Variants in AOAH observed in about 807,000 individuals in gnomAD.
The protein encoded by AOAH is acyloxyacyl hydrolase, also known as acyloxyacyl hydrolase (neutrophil).
AOAH carries 64 observed loss-of-function variants against 92.2 expected under a neutral mutation model. The ratio of observed to expected loss-of-function variants is 0.69; its 90% CI spans 0.57 to 0.86. The LOEUF (loss-of-function observed/expected upper bound fraction) is 0.86, where lower values mean the gene tolerates loss of function less well. AOAH is among the 40% of genes least tolerant of loss of function. The pLI is 0.00. For synonymous variants in AOAH, 263 were observed against 254.5 expected (o/e 1.03, Z -0.32); for missense variants, 656 against 694.6 (o/e 0.94, Z 0.62).
chr7:36,600,348 C>T (rs763627830), intron 11 of AOAH, among the ~76,000 whole-genome samples: 10 of 152,172 alleles, frequency 6.6e-5, no homozygotes, highest in Admixed American at 1.3e-4. Flanking sequence ...AACCCTTAAC[C>T]CAGTGAGAGG....
chr7:36,526,325 A>G (rs1784395067), intron 19 of AOAH, among the ~76,000 whole-genome samples: 1 of 152,254 alleles, frequency 6.6e-6, no homozygotes, highest in Non-Finnish European at 1.5e-5. Flanking sequence ...ACATGTAGCC[A>G]TCAGGACAGT....
At chr7:36,716,648 C>A (rs1799196889) in intron 1 of AOAH, among the ~76,000 whole-genome samples, 1 of 146,736 alleles carries the variant, frequency 6.8e-6, no homozygotes, top group African/African-American at 2.6e-5. Flanking sequence ...CAGCCATAAA[C>A]AATGATGAGT....
chr7:36,533,110 AGAATCTG>A (rs1480052640), intron 16 of AOAH, among the ~76,000 whole-genome samples: 1 of 152,196 alleles, frequency 6.6e-6, no homozygotes, highest in Non-Finnish European at 1.5e-5. Context: ...CTATAGTCCC[AGAATCTG>A]TGGGGGTGAT....
intron 1 of AOAH, among the ~76,000 whole-genome samples, chr7:36,719,529 A>T (rs779261864): frequency 8.5e-5 from 13 of 152,246 alleles, no homozygotes; most frequent in Non-Finnish European, 1.9e-4. Flanking sequence ...AAGGTGATAT[A>T]AATATTTTAG....
intron 12 of AOAH, among the ~76,000 whole-genome samples, chr7:36,580,528 C>G (rs1308132737): frequency 6.6e-6 from 1 of 152,074 alleles, no homozygotes; most frequent in Non-Finnish European, 1.5e-5. Context: ...GGCTATTAAA[C>G]TTTCTAAAAA....
chr7:36,688,500 C>G (rs958579065), intron 1 of AOAH, among the ~76,000 whole-genome samples: 3 of 151,764 alleles, frequency 2.0e-5, no homozygotes, highest in Admixed American at 2.0e-4. Context: ...ATTTTAATAA[C>G]TACAACTAAA....
In AOAH at chr7:36,530,650, G is replaced by A. The variant is rs556745118; in HGVS notation, c.1426-136C>T. On this transcript the variant is annotated intron_variant, in intron 18 of 20. Coordinates refer to ENST00000617537, the MANE Select transcript of AOAH (RefSeq NM_001637.4). ...TTCTCCAAGCCATCAGCAGACAGCA[G>A]CTCTGCACATTAAATTCTAGTCACG... 2.3e-5 allele frequency: 14 copies of A among 600,100 alleles called. No individual in the cohort carries two copies. The South Asian group carries it at 2.9e-4, about 12-fold the overall frequency. 37.2% of individuals were successfully genotyped at this position (600,100 alleles called of 1,614,324 possible).
rs1395111365 is a variant in AOAH, at chr7:36,545,064, T to TA, written c.1133+3547dup. ...TGAAGAGAAATCTTTTTTTTTTTTT[T>TA]AAATAGAGACAGGGTCTCGCTCTAT... On this transcript the variant is annotated intron_variant, in intron 15 of 20. Coordinates refer to ENST00000617537, the MANE Select transcript of AOAH (RefSeq NM_001637.4). Among the ~76,000 whole-genome samples the TA allele has an allele frequency of 3.3e-3, 506 of 151,442 alleles. 3 individuals carry two copies. Among genetic ancestry groups the TA allele is most frequent in the South Asian group, 0.014 (68 of 4,780 alleles).
chr7:36,702,500 T>C (rs1376479132), intron 1 of AOAH, among the ~76,000 whole-genome samples: 2 of 152,194 alleles, frequency 1.3e-5, no homozygotes, highest in Non-Finnish European at 2.9e-5. Context: ...CTTGGAGATA[T>C]TCAGTTCCAG....
chr7:36,639,854 G>A (rs1163167413), intron 4 of AOAH, among the ~76,000 whole-genome samples: 3 of 152,182 alleles, frequency 2.0e-5, no homozygotes, highest in Non-Finnish European at 4.4e-5. Flanking sequence ...GACTGACCTC[G>A]AGCAAGTACA....
At chr7:36,652,599 T>C (rs1250978347) in intron 4 of AOAH, among the ~76,000 whole-genome samples, 1 of 152,310 alleles carries the variant, frequency 6.6e-6, no homozygotes, top group East Asian at 1.9e-4. Context: ...CACCGAGTGA[T>C]GAAGGGTGAT....
In AOAH at chr7:36,705,977, C is replaced by G. The variant is rs150434291; in HGVS notation, c.127+18045G>C. On this transcript the variant is annotated intron_variant, in intron 1 of 20. Transcript: ENST00000617537. ...CCATATGTAGAAAACTGAAAATGAA[C>G]CCCTTCCTTACACCTTATACAAAAA... 9.1e-3 allele frequency among the ~76,000 whole-genome samples: 1,389 copies of G among 152,136 alleles called. 8 individuals are homozygous for G. The highest frequency in any genetic ancestry group is 0.017 in the Middle Eastern group (5 of 290).
At chr7:36,560,429 C>T (rs557314958) in intron 13 of AOAH, among the ~76,000 whole-genome samples, 71 of 152,182 alleles carry the variant, frequency 4.7e-4, no homozygotes, top group Non-Finnish European at 7.8e-4. Flanking sequence ...TTTTTTAGTT[C>T]TCCTTGTAGA....
intron 4 of AOAH, among the ~76,000 whole-genome samples, chr7:36,645,743 A>C (rs1176794379): frequency 6.6e-6 from 1 of 152,134 alleles, no homozygotes; most frequent in Non-Finnish European, 1.5e-5. Context: ...AATTATATGC[A>C]AAAAATGAAG....
At chr7:36,548,783 G>A in intron 14 of AOAH, 97 bp from the exon 15 acceptor site, 3 of 1,071,632 alleles carry the variant, frequency 2.8e-6, no homozygotes, top group Non-Finnish European at 4.2e-6. Context: ...ATCTTGGTAT[G>A]ACCACCCTCT....
At chr7:36,676,101 A>G (rs545054957) in intron 2 of AOAH, among the ~76,000 whole-genome samples, 2 of 152,320 alleles carry the variant, frequency 1.3e-5, no homozygotes, top group East Asian at 3.9e-4. Flanking sequence ...ATTCAACGTT[A>G]TAAGTTCTAG....
chr7:36,579,030 C>T (rs1788728263), intron 12 of AOAH, among the ~76,000 whole-genome samples: 1 of 152,124 alleles, frequency 6.6e-6, no homozygotes, highest in African/African-American at 2.4e-5. Context: ...GTGCTACACA[C>T]ATTTAAATGA....
intron 2 of AOAH, among the ~76,000 whole-genome samples, chr7:36,683,081 T>C (rs1042133533): frequency 1.3e-5 from 2 of 152,218 alleles, no homozygotes; most frequent in Non-Finnish European, 2.9e-5. Flanking sequence ...TCTTCTGAAC[T>C]TCAAAGTATA....
intron 11 of AOAH, among the ~76,000 whole-genome samples, chr7:36,603,983 C>T (rs1790796560): frequency 6.6e-6 from 1 of 152,142 alleles, no homozygotes; most frequent in African/African-American, 2.4e-5. Flanking sequence ...ATTTATTGTT[C>T]ACTGTTCATG....
Sources: allele counts gnomAD v4.1 joint callset (sites outside exome capture counted in the v4.1 genomes callset), GRCh38; gene constraint gnomAD v4.1.1; transcripts MANE v1.5; gene names NCBI Gene and HGNC (gene_info 2026-07-23, HGNC 2026-07-21).